The following CACNA1C variants were observed in gnomAD, a reference collection of about 807,000 sequenced individuals.
CACNA1C encodes the protein voltage-dependent L-type calcium channel subunit alpha-1C.
In CACNA1C, 30 loss-of-function variants were observed where a neutral mutation model predicts 229.0. The ratio of observed to expected loss-of-function variants is 0.13; its 90% confidence interval spans 0.10 to 0.18. CACNA1C has a LOEUF of 0.18. Ranked by LOEUF, CACNA1C falls within the 10% of genes least tolerant of loss-of-function variation. CACNA1C has a pLI of 1.00. For missense variants in CACNA1C, 1,658 were observed against 2,845.0 expected, an observed-to-expected ratio of 0.58 and a Z score of 9.49; for synonymous variants, 1,114 against 1,132.5, an observed-to-expected ratio of 0.98 and a Z score of 0.33.
intron 3 of CACNA1C, among the ~76,000 whole-genome samples, chr12:2,374,942 C>T (rs2097999109): frequency 6.6e-6 from 1 of 152,198 alleles, no homozygotes; most frequent in South Asian, 2.1e-4. Context: ...AGCCTCAGAG[C>T]TTGGCAGTGT....
rs1234528107 is a variant in CACNA1C at position 2,689,477 on chromosome 12, G to C, written c.6117+698G>C. 6.6e-6 allele frequency among the ~76,000 whole-genome samples: 1 copy of C among 152,128 alleles called. No homozygotes were observed. The highest frequency in any genetic ancestry group is 2.4e-5 in the African/African-American group (1 of 41,420). On this transcript the variant is annotated intron_variant, in intron 46 of 46. Coordinates refer to ENST00000399655, the MANE Select transcript of CACNA1C (RefSeq NM_000719.7). This position sits in a 1 kb window ranked among gnomAD's most constrained non-coding sequence, Gnocchi z 4.2. ...CTGCAACGGGTGGGATGGGGAAAGGGTGGCAGGCTCAGCCCACCAGCGGAC... is the reference window on the plus strand; with the variant it reads ...CTGCAACGGGTGGGATGGGGAAAGGCTGGCAGGCTCAGCCCACCAGCGGAC...
chr12:2,553,568 T>C (rs1455547978), intron 10 of CACNA1C, among the ~76,000 whole-genome samples: 4 of 152,166 alleles, frequency 2.6e-5, no homozygotes, highest in Middle Eastern at 6.3e-3. Context: ...TGGAGACTGA[T>C]ATCATAAATG....
At chr12:2,033,807 G>A (rs1032625226) in intron 1 of CACNA1C, among the ~76,000 whole-genome samples, 5 of 152,358 alleles carry the variant, frequency 3.3e-5, no homozygotes, top group Admixed American at 3.3e-4. Context: ...TAAAGTAAAT[G>A]TAGGCACCGT....
At chr12:2,373,881 C>T (rs1456264593) in intron 3 of CACNA1C, among the ~76,000 whole-genome samples, 1 of 152,220 alleles carries the variant, frequency 6.6e-6, no homozygotes, top group Admixed American at 6.5e-5. Context: ...CATTTTTCCT[C>T]TCTTGTGCAT....
chr12:2,549,697 C>CT (rs1213740615), intron 9 of CACNA1C, among the ~76,000 whole-genome samples: 2 of 152,164 alleles, frequency 1.3e-5, no homozygotes, highest in Non-Finnish European at 2.9e-5. Flanking sequence ...GTAAAATGCT[C>CT]TTATTACCAG....
Position 2,159,497 on chromosome 12 carries a change from A to G in CACNA1C, c.477+39067A>G, listed in dbSNP as rs574669210. On this transcript the variant is annotated intron_variant, in intron 3 of 46. Transcript: ENST00000399655. ...GGACAGAGTGAGACCCTGTCAATAA[A>G]TAAATAAATAAATAAATTAAATGTA... 4.6e-3 allele frequency among the ~76,000 whole-genome samples: 695 copies of G among 152,232 alleles called. 5 individuals are homozygous for G. The highest frequency in any genetic ancestry group is 0.016 in the African/African-American group (650 of 41,522).
At chr12:2,521,628 C>G (rs1180725275) in intron 9 of CACNA1C, among the ~76,000 whole-genome samples, 1 of 152,224 alleles carries the variant, frequency 6.6e-6, no homozygotes, top group African/African-American at 2.4e-5. Flanking sequence ...ACAAAGCCGC[C>G]TTCCTCTTTC....
chr12:2,492,962 A>G (rs965460297), intron 6 of CACNA1C, among the ~76,000 whole-genome samples: 56 of 152,256 alleles, frequency 3.7e-4, no homozygotes, highest in African/African-American at 1.3e-3. Context: ...GTGAGTGGAA[A>G]GGACTGACCT....
rs532566933 is a variant in CACNA1C at position 2,652,938 on chromosome 12, G to A, written c.4075-897G>A. Among the ~76,000 whole-genome samples the A allele has an allele frequency of 2.0e-5, 3 of 152,226 alleles. No homozygotes were observed. The East Asian group carries it at 5.8e-4, about 29-fold the overall frequency. ...GGCTGGGAAGAGGCACAGACCGGGTGACTGCGAGGGCCTGATGGCGGCGCA... is the reference window on the plus strand; with the variant it reads ...GGCTGGGAAGAGGCACAGACCGGGTAACTGCGAGGGCCTGATGGCGGCGCA... On this transcript the variant is annotated intron_variant, in intron 32 of 46. Coordinates refer to ENST00000399655, the MANE Select transcript of CACNA1C (RefSeq NM_000719.7).
chr12:2,185,254 A>G (rs1018258847), intron 3 of CACNA1C, among the ~76,000 whole-genome samples: 1 of 152,188 alleles, frequency 6.6e-6, no homozygotes, highest in Non-Finnish European at 1.5e-5. Flanking sequence ...GTTGTTCTGC[A>G]GGAGAGAAGG....
chr12:2,582,973 GGCCCCCAGCCCCCAGCCTGCA>G, intron 15 of CACNA1C, 31 bp downstream of exon 15: 1 of 1,491,454 alleles, frequency 6.7e-7, no homozygotes, highest in Admixed American at 2.0e-5. Flanking sequence ...CCACCCCTGC[GGCCCCCAGCCCCCAGCCTGCA>G]GCACAGTGCC....
Position 2,578,035 on chromosome 12 carries a change from A to ATTTTTTTCTT in CACNA1C, c.1896-3549_1896-3548insTCTTTTTTTT, listed in dbSNP as rs543600146. 1.1e-4 allele frequency among the ~76,000 whole-genome samples: 17 copies of ATTTTTTTCTT among 151,230 alleles called. No homozygotes were observed. The East Asian group carries it at 2.0e-3, about 17-fold the overall frequency. Reference sequence around the variant, plus strand: ...AGGCGCCCGCTACCACACCCGGCTAATTTTTTGTATTTTTAGTAGAGACGG... The same window carrying ATTTTTTTCTT: ...AGGCGCCCGCTACCACACCCGGCTAATTTTTTTCTTTTTTTTGTATTTTTAGTAGAGACGG... On this transcript the variant is annotated intron_variant, in intron 13 of 46. Coordinates refer to ENST00000399655, the MANE Select transcript of CACNA1C (RefSeq NM_000719.7).
At chr12:2,615,348 A>G (rs1399827996) in intron 29 of CACNA1C, among the ~76,000 whole-genome samples, 1 of 152,252 alleles carries the variant, frequency 6.6e-6, no homozygotes, top group Non-Finnish European at 1.5e-5. Context: ...GATTTGATAA[A>G]CTGAAAAATA....
chr12:2,044,031 A>C (rs1180722636), intron 1 of CACNA1C, among the ~76,000 whole-genome samples: 1 of 152,202 alleles, frequency 6.6e-6, no homozygotes, highest in Non-Finnish European at 1.5e-5. Context: ...TCATTGGTTA[A>C]AAAAATGATT....
chr12:2,293,977 A>G (rs1237927523), intron 3 of CACNA1C, among the ~76,000 whole-genome samples: 1 of 152,176 alleles, frequency 6.6e-6, no homozygotes, highest in African/African-American at 2.4e-5. Flanking sequence ...TTGTGCTAAT[A>G]TATTAATTGA....
chr12:2,210,824 T>C (rs2154337538), intron 3 of CACNA1C, among the ~76,000 whole-genome samples: 1 of 152,280 alleles, frequency 6.6e-6, no homozygotes, highest in South Asian at 2.1e-4. Context: ...GAGGCTGTAT[T>C]TGGGGGCAGA....
chr12:2,218,778 T>C (rs2238056), intron 3 of CACNA1C, among the ~76,000 whole-genome samples: 87,070 of 152,134 alleles, frequency 0.57, 27,378 homozygotes, highest in African/African-American at 0.85. Context: ...ACAGGGAGGT[T>C]CTCAGATCAG....
intron 1 of CACNA1C, among the ~76,000 whole-genome samples, chr12:2,097,472 A>T (rs1048830930): frequency 6.6e-6 from 1 of 152,126 alleles, no homozygotes; most frequent in Admixed American, 6.5e-5. Context: ...AGGAACTTTC[A>T]TCCTGTTTTC....
At chr12:2,317,931 T>G (rs933883289) in intron 3 of CACNA1C, among the ~76,000 whole-genome samples, 1 of 152,156 alleles carries the variant, frequency 6.6e-6, no homozygotes, top group Non-Finnish European at 1.5e-5. Flanking sequence ...TCCTAAGGAA[T>G]AAATAACTGG....
Sources: gnomAD v4.1 joint callset for allele counts (sites outside exome capture counted in the v4.1 genomes callset) on GRCh38, gnomAD v4.1.1 for gene constraint, Gnocchi (gnomAD v3.1) non-coding constraint, MANE v1.5 for transcripts, NCBI Gene and HGNC (gene_info 2026-07-23, HGNC 2026-07-21) for gene names.